The following ROBO2 variants were observed in gnomAD, a reference collection of about 807,000 sequenced individuals.
The protein encoded by ROBO2 is roundabout homolog 2.
In ROBO2, 53 loss-of-function variants were observed where a neutral mutation model predicts 160.8. The ratio of observed to expected loss-of-function variants is 0.33; its 90% confidence interval spans 0.26 to 0.41. ROBO2 has a LOEUF of 0.41. ROBO2 is among the 10% of genes least tolerant of loss of function. The pLI is 1.00. For missense variants in ROBO2, 1,577 were observed against 1,722.4 expected (o/e 0.92, Z 1.49); for synonymous variants, 664 against 611.7 (o/e 1.09, Z -1.26).
In ROBO2 at chr3:76,492,328, T is replaced by G. The variant is rs2079875525; in HGVS notation, c.109+554726T>G. On this transcript the variant is annotated intron_variant, in intron 2 of 26. Coordinates refer to the ROBO2 transcript ENST00000487694. ...GCTTTGTTGATCAAAACAATCTGCC[T>G]GGTATATTAAAGATACGAGACATGA... Among the ~76,000 whole-genome samples, 7 of 152,256 alleles carry G rather than the reference T, an allele frequency of 4.6e-5. No homozygotes were observed. The South Asian group carries it at 1.4e-3, about 32-fold the overall frequency.
intron 2 of ROBO2, among the ~76,000 whole-genome samples, chr3:75,959,546 T>A (rs2107262762): frequency 6.6e-6 from 1 of 151,902 alleles, no homozygotes; most frequent in African/African-American, 2.4e-5. Context: ...ATAATTTTTG[T>A]TTGTAGACCA....
intron 21 of ROBO2, among the ~76,000 whole-genome samples, chr3:77,611,155 G>A (rs1051341747): frequency 5.3e-5 from 8 of 152,006 alleles, no homozygotes; most frequent in Non-Finnish European, 7.4e-5. Flanking sequence ...AAAATTAGCT[G>A]GGCGAGGTGG....
intron 2 of ROBO2, among the ~76,000 whole-genome samples, chr3:76,431,622 G>A (rs961260931): frequency 1.3e-5 from 2 of 152,052 alleles, no homozygotes; most frequent in Non-Finnish European, 2.9e-5. Context: ...ACATTAATCT[G>A]AGAAAATGAT....
At chr3:76,704,927 G>A (rs965446365) in intron 2 of ROBO2, among the ~76,000 whole-genome samples, 1 of 152,028 alleles carries the variant, frequency 6.6e-6, no homozygotes, top group Admixed American at 6.6e-5. Flanking sequence ...AAGAGGAATG[G>A]TTCTCTTCTA....
At chr3:76,489,613 A>T (rs2079702680) in intron 2 of ROBO2, among the ~76,000 whole-genome samples, 1 of 152,128 alleles carries the variant, frequency 6.6e-6, no homozygotes, top group African/African-American at 2.4e-5. Flanking sequence ...AAATTATTTT[A>T]TTTATAACTT....
At chr3:76,795,032 G>A (rs1312211256) in intron 2 of ROBO2, among the ~76,000 whole-genome samples, 1 of 152,000 alleles carries the variant, frequency 6.6e-6, no homozygotes, top group African/African-American at 2.4e-5. Context: ...TTCTCAGTGT[G>A]TATGAAAGTT....
At chr3:77,086,011 A>T (rs2149975894) in intron 1 of ROBO2, among the ~76,000 whole-genome samples, 1 of 152,242 alleles carries the variant, frequency 6.6e-6, no homozygotes, top group East Asian at 1.9e-4. Context: ...AAATAAATAG[A>T]TGCTTCCTAT....
At chr3:77,581,871 T>C (rs74866713) in intron 16 of ROBO2, among the ~76,000 whole-genome samples, 1,973 of 152,280 alleles carry the variant, frequency 0.013, 50 homozygotes, top group African/African-American at 0.046. Context: ...TGGATTTATG[T>C]ATTTCCCCCT....
chr3:77,555,951 G>A (rs182098214), intron 8 of ROBO2, among the ~76,000 whole-genome samples: 1 of 151,746 alleles, frequency 6.6e-6, no homozygotes, highest in East Asian at 2.0e-4. Flanking sequence ...ACTCATTAGG[G>A]CAGTAAAAAA....
chr3:77,392,787 T>C (rs928344191), intron 2 of ROBO2, among the ~76,000 whole-genome samples: 1 of 152,220 alleles, frequency 6.6e-6, no homozygotes, highest in Non-Finnish European at 1.5e-5. Context: ...TATTTTTTTA[T>C]TCCTAACAGA....
At chr3:76,584,344 T>C (rs80336495) in intron 2 of ROBO2, among the ~76,000 whole-genome samples, 6,154 of 152,090 alleles carry the variant, frequency 0.04, 343 homozygotes, top group African/African-American at 0.12. Flanking sequence ...CAGAATCATA[T>C]ATTGAAGTCT....
intron 2 of ROBO2, among the ~76,000 whole-genome samples, chr3:77,135,711 C>T (rs1376349958): frequency 6.6e-6 from 1 of 152,108 alleles, no homozygotes; most frequent in African/African-American, 2.4e-5. Flanking sequence ...CACCCAGCCG[C>T]AATATCTTAA....
chr3:77,080,125 T>C (rs2068479825), intron 1 of ROBO2, among the ~76,000 whole-genome samples: 1 of 152,194 alleles, frequency 6.6e-6, no homozygotes, highest in African/African-American at 2.4e-5. Flanking sequence ...CTGTGCTTTT[T>C]CCCAAGCAGT....
At position 76,874,941 on chromosome 3, in the gene ROBO2, G is replaced by A. The variant is rs558143927; in HGVS notation, c.110-223073G>A. ...AATTCATTCTGTCTGTGATTTTATGGTTCAATGTTTTAACATGAGAACATT... is the reference window on the plus strand; with the variant it reads ...AATTCATTCTGTCTGTGATTTTATGATTCAATGTTTTAACATGAGAACATT... On this transcript the variant is annotated intron_variant, in intron 2 of 26. Transcript: ENST00000487694. 6.8e-4 allele frequency among the ~76,000 whole-genome samples: 104 copies of A among 152,200 alleles called. 1 individual carries two copies. The highest frequency in any genetic ancestry group is 1.3e-3 in the Non-Finnish European group (89 of 68,006).
At chr3:77,044,280 T>C (rs1176484360) in intron 1 of ROBO2, among the ~76,000 whole-genome samples, 1 of 152,168 alleles carries the variant, frequency 6.6e-6, no homozygotes, top group Non-Finnish European at 1.5e-5. Context: ...AAGCACATTG[T>C]ATAAGTTGGG....
intron 2 of ROBO2, among the ~76,000 whole-genome samples, chr3:77,447,713 T>C (rs1304103297): frequency 1.3e-5 from 2 of 152,160 alleles, no homozygotes; most frequent in African/African-American, 4.8e-5. Flanking sequence ...GTAGGAAATC[T>C]CATCTGCTGG....
At chr3:77,534,684 A>G (rs912988989) in intron 6 of ROBO2, among the ~76,000 whole-genome samples, 2 of 152,212 alleles carry the variant, frequency 1.3e-5, no homozygotes, top group African/African-American at 4.8e-5. Context: ...CTAGCAAACT[A>G]TATTACATTT....
chr3:75,974,179 C>T (rs918789072), intron 2 of ROBO2, among the ~76,000 whole-genome samples: 3 of 151,380 alleles, frequency 2.0e-5, no homozygotes, highest in Admixed American at 6.6e-5. Context: ...TTGGTGAATA[C>T]AAAATGTAGA....
intron 1 of ROBO2, among the ~76,000 whole-genome samples, chr3:75,915,068 CAACT>C (rs1435250117): frequency 1.3e-5 from 2 of 152,256 alleles, no homozygotes; most frequent in South Asian, 2.1e-4. Context: ...CTTGTGCAAC[CAACT>C]GTCTCCTTGT....
Sources: gnomAD v4.1 joint callset for allele counts (sites outside exome capture counted in the v4.1 genomes callset) on GRCh38, gnomAD v4.1.1 for gene constraint, MANE v1.5 for transcripts, NCBI Gene and HGNC (gene_info 2026-07-23, HGNC 2026-07-21) for gene names.